Variants in FGGY observed in about 807,000 individuals in gnomAD.
FGGY encodes the protein FGGY carbohydrate kinase domain containing, also known as FGGY carbohydrate kinase domain-containing protein.
In FGGY, 72 loss-of-function variants were observed where a neutral mutation model predicts 71.3. The observed-to-expected ratio is 1.01, with a 90% CI of 0.84 to 1.23. The LOEUF (loss-of-function observed/expected upper bound fraction) is 1.23. Ranked by LOEUF, FGGY falls within the 50% of genes most tolerant of loss-of-function variation. FGGY has a pLI of 0.00. For synonymous variants in FGGY, 251 were observed against 250.3 expected (o/e 1.00, Z -0.02); for missense variants, 668 against 682.3 (o/e 0.98, Z 0.23).
intron 1 of FGGY, among the ~76,000 whole-genome samples, chr1:59,310,330 CT>C (rs2044089269): frequency 6.6e-6 from 1 of 152,150 alleles, no homozygotes; most frequent in South Asian, 2.1e-4. Context: ...CAACAGCAAC[CT>C]CTTGAAGAAG....
intron 1 of FGGY, among the ~76,000 whole-genome samples, chr1:59,309,496 T>A (rs577783440): frequency 6.6e-6 from 1 of 152,276 alleles, no homozygotes; most frequent in Admixed American, 6.5e-5. Context: ...GGGCCTGAGC[T>A]TAGAGGTCCT....
intron 5 of FGGY, among the ~76,000 whole-genome samples, chr1:59,438,166 A>G (rs1313922951): frequency 6.6e-6 from 1 of 152,146 alleles, no homozygotes; most frequent in Non-Finnish European, 1.5e-5. Flanking sequence ...TGTTATTACC[A>G]CCATTGTAGA....
chr1:59,532,396 GT>G (rs1423122441), intron 7 of FGGY, among the ~76,000 whole-genome samples: 1 of 152,180 alleles, frequency 6.6e-6, no homozygotes, highest in Non-Finnish European at 1.5e-5. Context: ...CAGAGGTGTA[GT>G]TGGAGTCCAA....
intron 5 of FGGY, among the ~76,000 whole-genome samples, chr1:59,438,995 T>C (rs1410182413): frequency 2.0e-5 from 3 of 152,244 alleles, no homozygotes; most frequent in Non-Finnish European, 2.9e-5. Context: ...GAATTTTTTA[T>C]ATCTACTTCA....
At chr1:59,656,675 G>A (rs1388096456) in intron 11 of FGGY, among the ~76,000 whole-genome samples, 1 of 152,182 alleles carries the variant, frequency 6.6e-6, no homozygotes, top group African/African-American at 2.4e-5. Flanking sequence ...ACTGGAAACG[G>A]TTGTATGAGA....
chr1:59,653,104 G>T (rs925139413), intron 11 of FGGY, among the ~76,000 whole-genome samples: 10 of 152,248 alleles, frequency 6.6e-5, no homozygotes, highest in Admixed American at 3.3e-4. Context: ...GAGGCAGTCT[G>T]CGGGTTCTCA....
chr1:59,673,985 C>T, intron 13 of FGGY, 54 bp from the exon 14 acceptor site: 2 of 1,546,754 alleles, frequency 1.3e-6, no homozygotes, highest in East Asian at 2.3e-5. Context: ...TTGTTGGCTC[C>T]TCACACTCCC....
At chr1:59,750,966 G>A (rs775877794) in intron 14 of FGGY, among the ~76,000 whole-genome samples, 3 of 151,612 alleles carry the variant, frequency 2.0e-5, no homozygotes, top group Admixed American at 6.6e-5. Flanking sequence ...ACACGTGCTC[G>A]TCTCACTCCA....
chr1:59,719,215 C>T (rs1259393650), intron 14 of FGGY, among the ~76,000 whole-genome samples: 5 of 152,162 alleles, frequency 3.3e-5, no homozygotes, highest in Non-Finnish European at 5.9e-5. Context: ...AGGAAGACCT[C>T]TTCACCCTAA....
chr1:59,512,081 T>C (rs1016514392), intron 6 of FGGY, among the ~76,000 whole-genome samples: 1 of 152,244 alleles, frequency 6.6e-6, no homozygotes, highest in Non-Finnish European at 1.5e-5. Context: ...GTTTGAATGA[T>C]GCTTTAGAGT....
intron 3 of FGGY, 102 bp downstream of exon 3, chr1:59,340,171 G>C (rs1388490867): frequency 8.1e-6 from 6 of 739,502 alleles, no homozygotes; most frequent in African/African-American, 7.1e-5. Context: ...GCTGCTGATA[G>C]TAAAATTTAG....
At chr1:59,672,115 G>C (rs1022098125) in intron 13 of FGGY, among the ~76,000 whole-genome samples, 3 of 152,172 alleles carry the variant, frequency 2.0e-5, no homozygotes, top group African/African-American at 7.2e-5. Context: ...TCATTCCTAG[G>C]ATTCTTCAAC....
Position 59,616,389 on chromosome 1 carries a change from C to A in FGGY, c.1011+8479C>A, listed in dbSNP as rs182718329. ...AGCAAACTATCACAAGGACAAAAAA[C>A]CAGACACTGCATGTTCTCACTCATA... is the stretch of plus-strand genomic sequence containing the variant. On this transcript the variant is annotated intron_variant, in intron 9 of 15. Transcript: ENST00000303721. Among the ~76,000 whole-genome samples, 541 of 152,178 alleles carry A rather than the reference C, an allele frequency of 3.6e-3. 1 individual carries two copies. Among genetic ancestry groups the A allele is most frequent in the African/African-American group, 0.012 (518 of 41,504 alleles).
chr1:59,733,251 C>G (rs879008383), intron 14 of FGGY: 1 of 153,844 alleles, frequency 6.5e-6, no homozygotes, highest in Non-Finnish European at 1.5e-5. Flanking sequence ...CCAGAAGACA[C>G]GAGACCTTTC....
At chr1:59,425,904 T>C (rs2066280555) in intron 5 of FGGY, among the ~76,000 whole-genome samples, 1 of 152,244 alleles carries the variant, frequency 6.6e-6, no homozygotes, top group Non-Finnish European at 1.5e-5. Context: ...CAGTGTTTAT[T>C]CCACATAATT....
At chr1:59,374,932 G>T (rs1471405593) in intron 4 of FGGY, among the ~76,000 whole-genome samples, 1 of 122,548 alleles carries the variant, frequency 8.2e-6, no homozygotes, top group Non-Finnish European at 1.7e-5. Context: ...GGGGGAGGGG[G>T]GAGGGATAGC....
At chr1:59,599,088 A>G (rs564109486) in intron 8 of FGGY, among the ~76,000 whole-genome samples, 10 of 140,416 alleles carry the variant, frequency 7.1e-5, no homozygotes, top group Non-Finnish European at 1.3e-4. Flanking sequence ...TCAGTCCTAC[A>G]CATGTTCGTT....
intron 5 of FGGY, among the ~76,000 whole-genome samples, chr1:59,435,747 TG>T (rs2068302042): frequency 5.9e-5 from 1 of 16,948 alleles, no homozygotes; most frequent in Non-Finnish European, 1.1e-4. Context: ...TGTGCCTGCG[TG>T]TGTGTGTGTG....
intron 2 of FGGY, among the ~76,000 whole-genome samples, chr1:59,336,678 G>A (rs1331122645): frequency 6.6e-6 from 1 of 151,864 alleles, no homozygotes; most frequent in Non-Finnish European, 1.5e-5. Context: ...AGTGTGTGAT[G>A]TTGCCCTCCC....
Sources: gnomAD v4.1 joint callset for allele counts (sites outside exome capture counted in the v4.1 genomes callset) on GRCh38, gnomAD v4.1.1 for gene constraint, MANE v1.5 for transcripts, NCBI Gene and HGNC (gene_info 2026-07-23, HGNC 2026-07-21) for gene names.